TAFA1: variants seen among roughly 807,000 people sequenced by gnomAD.
The protein encoded by TAFA1 is chemokine-like protein TAFA-1.
TAFA1 carries 4 observed loss-of-function variants against 18.5 expected under a neutral mutation model. The observed-to-expected ratio is 0.22, with a 90% CI of 0.11 to 0.49. TAFA1 has a LOEUF of 0.49. TAFA1 is among the 20% of genes least tolerant of loss of function. The pLI is 0.98. For missense variants in TAFA1, 147 were observed against 169.0 expected (o/e 0.87, Z 0.72); for synonymous variants, 56 against 55.2 (o/e 1.01, Z -0.06).
intron 2 of TAFA1, among the ~76,000 whole-genome samples, chr3:68,297,674 T>C (rs2068233739): frequency 6.6e-6 from 1 of 152,186 alleles, no homozygotes; most frequent in African/African-American, 2.4e-5. Context: ...AATTATTTAA[T>C]GAAGAGGAAA....
At chr3:68,359,762 A>T (rs2069436062) in intron 2 of TAFA1, among the ~76,000 whole-genome samples, 1 of 151,982 alleles carries the variant, frequency 6.6e-6, no homozygotes, top group Non-Finnish European at 1.5e-5. Flanking sequence ...CAGCAATAGG[A>T]AACTAAGCCA....
At chr3:68,138,570 A>G (rs1350246496) in intron 2 of TAFA1, among the ~76,000 whole-genome samples, 2 of 152,154 alleles carry the variant, frequency 1.3e-5, no homozygotes, top group African/African-American at 2.4e-5. Flanking sequence ...CAATTTTTAA[A>G]ACTGTGAGCT....
intron 2 of TAFA1, among the ~76,000 whole-genome samples, chr3:68,007,423 G>T (rs1215352155): frequency 2.5e-4 from 38 of 152,002 alleles, no homozygotes; most frequent in Non-Finnish European, 4.1e-4. Flanking sequence ...ACCCTTCCAC[G>T]GCCTCGCTCT....
intron 2 of TAFA1, among the ~76,000 whole-genome samples, chr3:68,010,455 C>T (rs998038865): frequency 9.2e-5 from 14 of 152,164 alleles, no homozygotes; most frequent in African/African-American, 3.4e-4. Context: ...CCAATTTCTG[C>T]TGTCATAACA....
intron 3 of TAFA1, among the ~76,000 whole-genome samples, chr3:68,491,774 A>AACGTCATG (rs1474598679): frequency 6.6e-6 from 1 of 152,214 alleles, no homozygotes; most frequent in Non-Finnish European, 1.5e-5. Flanking sequence ...AGTGCTACCC[A>AACGTCATG]ACGTCATGTT....
intron 3 of TAFA1, among the ~76,000 whole-genome samples, chr3:68,496,157 G>T (rs148629235): frequency 3.9e-5 from 6 of 152,260 alleles, no homozygotes; most frequent in Non-Finnish European, 8.8e-5. Context: ...AGAAAGATCA[G>T]CGTTAACGAG....
intron 2 of TAFA1, among the ~76,000 whole-genome samples, chr3:68,399,704 G>A (rs1378802135): frequency 6.6e-6 from 1 of 152,170 alleles, no homozygotes; most frequent in East Asian, 1.9e-4. Context: ...TCTAGGCACT[G>A]TGCTAAATGC....
At chr3:68,402,400 G>A (rs1286828848) in intron 2 of TAFA1, among the ~76,000 whole-genome samples, 2 of 152,156 alleles carry the variant, frequency 1.3e-5, no homozygotes, top group Admixed American at 6.6e-5. Flanking sequence ...AGCCAGAGAG[G>A]AAAAGAAAAA....
chr3:68,053,422 A>G (rs533477055), intron 2 of TAFA1, among the ~76,000 whole-genome samples: 1 of 152,288 alleles, frequency 6.6e-6, no homozygotes, highest in African/African-American at 2.4e-5. Flanking sequence ...AACTACCTGT[A>G]GAGTCTGATG....
At chr3:68,277,320 G>A (rs1276877482) in intron 2 of TAFA1, among the ~76,000 whole-genome samples, 1 of 152,158 alleles carries the variant, frequency 6.6e-6, no homozygotes, top group Non-Finnish European at 1.5e-5. Flanking sequence ...AAATTTGAAA[G>A]AGAGTCAACC....
At chr3:68,488,064 G>A (rs1053358775) in intron 3 of TAFA1, among the ~76,000 whole-genome samples, 1 of 152,136 alleles carries the variant, frequency 6.6e-6, no homozygotes, top group Non-Finnish European at 1.5e-5. Context: ...ACTAGTATGC[G>A]TATGTATTAG....
chr3:68,282,609 A>G (rs572267365), intron 2 of TAFA1, among the ~76,000 whole-genome samples: 2 of 152,302 alleles, frequency 1.3e-5, no homozygotes, highest in East Asian at 1.9e-4. Context: ...ACACCTGGGT[A>G]CAATCCAGGG....
chr3:68,263,535 G>A (rs1007712664), intron 2 of TAFA1, among the ~76,000 whole-genome samples: 1 of 151,264 alleles, frequency 6.6e-6, no homozygotes. Context: ...TGAAGTTACT[G>A]GCATTTGACT....
intron 3 of TAFA1, among the ~76,000 whole-genome samples, chr3:68,425,151 A>G (rs899279666): frequency 6.6e-6 from 1 of 151,960 alleles, no homozygotes; most frequent in Non-Finnish European, 1.5e-5. Context: ...AAAAACCCTA[A>G]GCCCCTATTT....
chr3:68,317,828 T>G (rs1053029324), intron 2 of TAFA1, among the ~76,000 whole-genome samples: 4 of 152,330 alleles, frequency 2.6e-5, no homozygotes, highest in Middle Eastern at 3.4e-3. Context: ...TTTTTATATT[T>G]GCTGTTTTTA....
intron 2 of TAFA1, among the ~76,000 whole-genome samples, chr3:68,269,463 A>G (rs2067618078): frequency 6.6e-6 from 1 of 152,168 alleles, no homozygotes; most frequent in Non-Finnish European, 1.5e-5. Context: ...GTGAGACCCA[A>G]TTCTAAAAAA....
chr3:68,203,953 C>T (rs1223831222), intron 2 of TAFA1, among the ~76,000 whole-genome samples: 2 of 148,052 alleles, frequency 1.4e-5, no homozygotes, highest in African/African-American at 5.0e-5. Context: ...GTCAAAGGCC[C>T]CCCCCACCCC....
At chr3:68,388,558 A>T (rs562345300) in intron 2 of TAFA1, among the ~76,000 whole-genome samples, 101 of 150,002 alleles carry the variant, frequency 6.7e-4, no homozygotes, top group African/African-American at 2.5e-3. Flanking sequence ...GCCACCTATG[A>T]CGTTTTTTTT....
chr3:67,999,312 T>C (rs1704259081), upstream of TAFA1, among the ~76,000 whole-genome samples: 1 of 151,230 alleles, frequency 6.6e-6, no homozygotes, highest in Non-Finnish European at 1.5e-5. Flanking sequence ...TGTATGTGTG[T>C]GTCTACGTTG....
Sources: gnomAD v4.1 joint callset for allele counts (sites outside exome capture counted in the v4.1 genomes callset) on GRCh38, gnomAD v4.1.1 for gene constraint, MANE v1.5 for transcripts, NCBI Gene and HGNC (gene_info 2026-07-23, HGNC 2026-07-21) for gene names.